The following LRRC61 variants were observed in gnomAD, a reference collection of about 807,000 sequenced individuals.
The protein encoded by LRRC61 is leucine rich repeat containing 61, also known as leucine-rich repeat-containing protein 61.
In LRRC61, 9 loss-of-function variants were observed where a neutral mutation model predicts 15.1. That is an observed-to-expected ratio of 0.60 (90% CI 0.36 to 1.04). The LOEUF (loss-of-function observed/expected upper bound fraction) is 1.04. Among genes scored for constraint, LRRC61 ranks in the 50% least tolerant of loss-of-function variants. The probability of loss-of-function intolerance (pLI) is 0.01; values close to 1 mark genes in which losing one functional copy is unlikely to be tolerated. For synonymous variants in LRRC61, 173 were observed against 158.6 expected (o/e 1.09, Z -0.68); for missense variants, 344 against 335.6 (o/e 1.03, Z -0.20).
chr7:150,330,333 G>T lies in LRRC61; in HGVS notation c.-145+4323G>T. On this transcript the variant is annotated intron_variant, in intron 2 of 2. Coordinates refer to ENST00000359623, the MANE Select transcript of LRRC61 (RefSeq NM_001142928.2). The surrounding 1 kb of genome is among the most constrained non-coding windows in gnomAD (Gnocchi z 4.6). ...CAAGGGCAGGCACCAGCTGGGGAAGGCTGGTGTTGCCTTGTCGGCCACATT... is the reference window on the plus strand; with the variant it reads ...CAAGGGCAGGCACCAGCTGGGGAAGTCTGGTGTTGCCTTGTCGGCCACATT... 1.4e-6 allele frequency: 1 copy of T among 737,096 alleles called. No homozygotes were observed. Among genetic ancestry groups the T allele is most frequent in the Admixed American group, 1.8e-5 (1 of 56,716 alleles). The allele number at this position is 737,096 out of a possible 1,614,324, so 45.7% of individuals were successfully genotyped here. A position where few individuals can be genotyped will look rare whatever the true frequency, so the allele number is the denominator to read the frequency against.
Position 150,330,987 on chromosome 7 carries a change from A to G in LRRC61, c.-145+4977A>G. The G allele has an allele frequency of 1.2e-6, 2 of 1,611,906 alleles. No homozygotes were observed. Among genetic ancestry groups the G allele is most frequent in the Non-Finnish European group, 1.7e-6 (2 of 1,179,974 alleles). ...CACCAAGAGCCACTGGGCCAGCATC[A>G]TTGTCAAGAAGTATCTGTGGGAGAA... is the stretch of plus-strand genomic sequence containing the variant. On this transcript the variant is annotated intron_variant, in intron 2 of 2. Coordinates refer to ENST00000359623, the MANE Select transcript of LRRC61 (RefSeq NM_001142928.2). The surrounding 1 kb of genome is among the most constrained non-coding windows in gnomAD (Gnocchi z 4.6).
the LRRC61 span, among the ~76,000 whole-genome samples, chr7:150,311,708 T>G: frequency 6.6e-6 from 1 of 152,228 alleles, no homozygotes; most frequent in Non-Finnish European, 1.5e-5. Flanking sequence ...AGTTTATTGA[T>G]GGCAGTTCCT....
chr7:150,336,792 C>T lies in LRRC61; in HGVS notation c.-70C>T. On this transcript the variant is annotated 5_prime_UTR_variant, in exon 3 of 3. Coordinates refer to ENST00000359623, the MANE Select transcript of LRRC61 (RefSeq NM_001142928.2). ...GCCTGGGTAGAGCCAGGGCGAGCACCAGCTGACCCCCAGTGGAACCCTGTG... is the reference window on the plus strand; with the variant it reads ...GCCTGGGTAGAGCCAGGGCGAGCACTAGCTGACCCCCAGTGGAACCCTGTG... 2.0e-6 allele frequency: 3 copies of T among 1,535,634 alleles called. No homozygotes were observed. Among genetic ancestry groups the T allele is most frequent in the South Asian group, 2.5e-5 (2 of 80,100 alleles).
chr7:150,331,176 G>C, intron 2 of LRRC61: 1 of 1,490,834 alleles, frequency 6.7e-7, no homozygotes, highest in Non-Finnish European at 9.0e-7. Context: ...CTCTCAAGGT[G>C]GAAGCCATTG....
chr7:150,324,072 C>G (rs780000570), intron 1 of LRRC61, among the ~76,000 whole-genome samples: 11 of 152,190 alleles, frequency 7.2e-5, no homozygotes, highest in Admixed American at 2.6e-4. Context: ...GGACAAAACC[C>G]CAAAACATGC....
chr7:150,320,622 G>T (rs1797406032), upstream of LRRC61, among the ~76,000 whole-genome samples: 1 of 152,124 alleles, frequency 6.6e-6, no homozygotes. Flanking sequence ...AATTAGCCAG[G>T]TAAAGTGGCG....
At chr7:150,322,179 T>A (rs1797589472), upstream of LRRC61, among the ~76,000 whole-genome samples, 1 of 152,172 alleles carries the variant, frequency 6.6e-6, no homozygotes, top group Non-Finnish European at 1.5e-5. Flanking sequence ...TAAGGACTTG[T>A]GGGAGTCATC....
chr7:150,315,486 C>G, the LRRC61 span, among the ~76,000 whole-genome samples: 1 of 152,086 alleles, frequency 6.6e-6, no homozygotes, highest in Non-Finnish European at 1.5e-5. Flanking sequence ...AGAAAACATG[C>G]TCAGGATGGA....
chr7:150,332,809 G>T, intron 2 of LRRC61: 1 of 162,358 alleles, frequency 6.2e-6, no homozygotes. Flanking sequence ...GTGGGAGTGG[G>T]GTGGTGGGGA....
chr7:150,313,824 C>T, the LRRC61 span, among the ~76,000 whole-genome samples: 15 of 152,162 alleles, frequency 9.9e-5, no homozygotes, highest in Non-Finnish European at 1.9e-4. Flanking sequence ...GCTCACTGAG[C>T]CTTCTTGGCA....
chr7:150,324,473 T>C (rs1233263487), intron 1 of LRRC61: 1 of 152,298 alleles, frequency 6.6e-6, no homozygotes, highest in East Asian at 1.9e-4. Flanking sequence ...GCGGAGGTGC[T>C]TCCCAGCCCA....
chr7:150,323,261 C>T (rs1178671030), upstream of LRRC61: 2 of 247,946 alleles, frequency 8.1e-6, no homozygotes, highest in South Asian at 3.6e-5. Context: ...GCGAAGACCC[C>T]CGCAGGCTGC....
chr7:150,312,752 G>GA, the LRRC61 span, among the ~76,000 whole-genome samples: 5 of 152,050 alleles, frequency 3.3e-5, no homozygotes, highest in South Asian at 2.1e-4. Context: ...ATAATCCCCA[G>GA]AAAAAACCGA....
Position 150,337,712 on chromosome 7 carries a change from C to T in LRRC61, c.*71C>T, listed in dbSNP as rs1404018898. Reference sequence around the variant, plus strand: ...CCCAGTTCCCCTCTCTGCCCCCACACTCGTCTTAGTTGCTTCACACTGGTC... The same window carrying T: ...CCCAGTTCCCCTCTCTGCCCCCACATTCGTCTTAGTTGCTTCACACTGGTC... On this transcript the variant is annotated 3_prime_UTR_variant, in exon 3 of 3. Transcript: ENST00000359623. The T allele has an allele frequency of 1.7e-5, 25 of 1,453,384 alleles. No homozygotes were observed. The East Asian group carries it at 5.9e-4, about 34-fold the overall frequency. 90.0% of individuals were successfully genotyped at this position (1,453,384 alleles called of 1,614,324 possible).
At chr7:150,332,110 C>G (rs981470901) in intron 2 of LRRC61, 1 of 167,134 alleles carries the variant, frequency 6.0e-6, no homozygotes, top group African/African-American at 2.4e-5. Context: ...TCACCCTTGC[C>G]CCTGCTTGTC....
At chr7:150,326,983 G>A (rs1797976030) in intron 2 of LRRC61, among the ~76,000 whole-genome samples, 1 of 152,162 alleles carries the variant, frequency 6.6e-6, no homozygotes, top group African/African-American at 2.4e-5. Flanking sequence ...CCCTTCTGAG[G>A]TTCTTCTGGC....
chr7:150,334,479 G>A (rs971571721), intron 2 of LRRC61, among the ~76,000 whole-genome samples: 5 of 152,126 alleles, frequency 3.3e-5, no homozygotes, highest in Non-Finnish European at 7.4e-5. Context: ...TGGGAGGGGT[G>A]CCTGCTCCTG....
rs1373308048 is a variant in LRRC61 at position 150,330,184 on chromosome 7, C to T, written c.-145+4174C>T. ...TCTGTGGAGGCCCAGGGACTCCTCA[C>T]CCAGCTCCAGCGCCAGCGCAGCCTC... On this transcript the variant is annotated intron_variant, in intron 2 of 2. Coordinates refer to ENST00000359623, the MANE Select transcript of LRRC61 (RefSeq NM_001142928.2). This position sits in a 1 kb window ranked among gnomAD's most constrained non-coding sequence, Gnocchi z 4.6. 5 of 587,274 alleles carry T rather than the reference C, an allele frequency of 8.5e-6. No homozygotes were observed. Among genetic ancestry groups the T allele is most frequent in the South Asian group, 4.0e-5 (2 of 49,524 alleles). 36.4% of individuals were successfully genotyped at this position (587,274 alleles called of 1,614,324 possible).
At chr7:150,319,034 G>A (rs1797217354), upstream of LRRC61, among the ~76,000 whole-genome samples, 1 of 152,038 alleles carries the variant, frequency 6.6e-6, no homozygotes, top group Non-Finnish European at 1.5e-5. Flanking sequence ...AAGATACCTG[G>A]GCTGTAGACA....
Sources: gnomAD v4.1 joint callset for allele counts (sites outside exome capture counted in the v4.1 genomes callset) on GRCh38, gnomAD v4.1.1 for gene constraint, Gnocchi (gnomAD v3.1) non-coding constraint, MANE v1.5 for transcripts, NCBI Gene and HGNC (gene_info 2026-07-23, HGNC 2026-07-21) for gene names.